The following ATOSA variants were observed in gnomAD, a reference collection of about 807,000 sequenced individuals.
The protein encoded by ATOSA is atos homolog protein A.
the ATOSA span, among the ~76,000 whole-genome samples, chr15:52,635,941 T>C: frequency 6.6e-6 from 1 of 150,680 alleles, no homozygotes; most frequent in Non-Finnish European, 1.5e-5. Flanking sequence ...GGAGGTTGCA[T>C]TGAGCCAAGA....
chr15:52,658,483 C>A, the ATOSA span: 2 of 363,676 alleles, frequency 5.5e-6, no homozygotes, highest in Non-Finnish European at 4.9e-6. Context: ...TTTAGACCAG[C>A]AAGATTTTAA....
At chr15:52,700,231 A>G in the ATOSA span, among the ~76,000 whole-genome samples, 2 of 152,070 alleles carry the variant, frequency 1.3e-5, no homozygotes, top group Non-Finnish European at 2.9e-5. Context: ...TAGATTATAA[A>G]CCCCTCAAAA....
At chr15:52,617,234 C>T in the ATOSA span, among the ~76,000 whole-genome samples, 1 of 152,160 alleles carries the variant, frequency 6.6e-6, no homozygotes, top group Admixed American at 6.5e-5. Context: ...TCTCTCCCTG[C>T]TTTCCCCCAC....
the ATOSA span, among the ~76,000 whole-genome samples, chr15:52,603,841 G>A: frequency 6.6e-6 from 1 of 152,144 alleles, no homozygotes; most frequent in Non-Finnish European, 1.5e-5. Flanking sequence ...GAGTTGTGAG[G>A]AGGGAGGGAT....
chr15:52,612,851 G>T, the ATOSA span, among the ~76,000 whole-genome samples: 1 of 151,574 alleles, frequency 6.6e-6, no homozygotes, highest in African/African-American at 2.4e-5. Flanking sequence ...TCACATTTGA[G>T]AAACTAATAA....
At chr15:52,639,752 G>A in the ATOSA span, among the ~76,000 whole-genome samples, 1 of 152,032 alleles carries the variant, frequency 6.6e-6, no homozygotes, top group Non-Finnish European at 1.5e-5. Context: ...ATTCTGTGGT[G>A]AATATTTATT....
At chr15:52,661,590 G>A in the ATOSA span, among the ~76,000 whole-genome samples, 9 of 151,998 alleles carry the variant, frequency 5.9e-5, no homozygotes, top group Admixed American at 3.9e-4. Context: ...TTATTTTCAC[G>A]CCCTCAGCTT....
At chr15:52,611,069 T>C in the ATOSA span, 2 of 1,513,718 alleles carry the variant, frequency 1.3e-6, no homozygotes, top group South Asian at 1.3e-5. Context: ...TAAAATGCCA[T>C]TCGGTTGCTA....
the ATOSA span, among the ~76,000 whole-genome samples, chr15:52,623,556 C>G: frequency 6.6e-6 from 1 of 151,912 alleles, no homozygotes; most frequent in Non-Finnish European, 1.5e-5. Context: ...GCAAAAGGAG[C>G]TGGATTACAG....
the ATOSA span, among the ~76,000 whole-genome samples, chr15:52,699,107 G>T: frequency 1.3e-5 from 2 of 152,176 alleles, no homozygotes; most frequent in Non-Finnish European, 2.9e-5. Context: ...GCATCAGCTT[G>T]CCCCAGCCTC....
the ATOSA span, among the ~76,000 whole-genome samples, chr15:52,647,490 C>T: frequency 6.6e-6 from 1 of 152,218 alleles, no homozygotes; most frequent in Admixed American, 6.5e-5. Flanking sequence ...AAGACAATTA[C>T]ACTCGTATCT....
the ATOSA span, among the ~76,000 whole-genome samples, chr15:52,674,091 T>C: frequency 3.3e-5 from 5 of 152,260 alleles, no homozygotes; most frequent in Non-Finnish European, 5.9e-5. Flanking sequence ...ATTTATGATT[T>C]ATTTTATAGG....
At chr15:52,612,070 T>TG in the ATOSA span, among the ~76,000 whole-genome samples, 1 of 152,108 alleles carries the variant, frequency 6.6e-6, no homozygotes, top group East Asian at 1.9e-4. Context: ...CTGCAACCTC[T>TG]GCCTCCTAGG....
At chr15:52,665,840 G>T in the ATOSA span, among the ~76,000 whole-genome samples, 3 of 151,962 alleles carry the variant, frequency 2.0e-5, no homozygotes, top group African/African-American at 4.8e-5. Flanking sequence ...GTATAAATTG[G>T]CCAAATGACA....
the ATOSA span, among the ~76,000 whole-genome samples, chr15:52,628,314 A>G: frequency 6.6e-6 from 1 of 152,208 alleles, no homozygotes; most frequent in Non-Finnish European, 1.5e-5. Flanking sequence ...AAGTAATGTT[A>G]GAATCCAAGT....
chr15:52,634,104 T>C, the ATOSA span, among the ~76,000 whole-genome samples: 7 of 151,198 alleles, frequency 4.6e-5, no homozygotes, highest in East Asian at 1.4e-3. Flanking sequence ...TGAGATAAAA[T>C]AGAATTTAAA....
chr15:52,702,538 A>G, the ATOSA span, among the ~76,000 whole-genome samples: 1 of 152,198 alleles, frequency 6.6e-6, no homozygotes, highest in Admixed American at 6.6e-5. Context: ...GTTCTCACTT[A>G]TAAGTGGGAG....
At chr15:52,685,230 G>A in the ATOSA span, among the ~76,000 whole-genome samples, 48 of 152,138 alleles carry the variant, frequency 3.2e-4, no homozygotes, top group African/African-American at 1.2e-3. Context: ...GAAACTTGCT[G>A]CTTGCCCTAA....
chr15:52,598,509 G>C, the ATOSA span: 1 of 152,140 alleles, frequency 6.6e-6, no homozygotes. Context: ...TCATTTTAGT[G>C]ACTCAAGTCT....
Sources: gnomAD v4.1 joint callset for allele counts (sites outside exome capture counted in the v4.1 genomes callset) on GRCh38, gnomAD v4.1.1 for gene constraint, MANE v1.5 for transcripts, NCBI Gene and HGNC (gene_info 2026-07-23, HGNC 2026-07-21) for gene names.